SLC46A3: variants seen among roughly 807,000 people sequenced by gnomAD.
The protein encoded by SLC46A3 is solute carrier family 46 member 3.
A neutral mutation model predicts 38.5 loss-of-function variants in SLC46A3; 26 were observed. The observed-to-expected ratio is 0.68, with a 90% CI of 0.49 to 0.94. The LOEUF (loss-of-function observed/expected upper bound fraction) is 0.94, where lower values mean the gene tolerates loss of function less well. SLC46A3 is among the 40% of genes least tolerant of loss of function. The pLI is 0.00. For synonymous variants in SLC46A3, 185 were observed against 192.5 expected, an observed-to-expected ratio of 0.96 and a Z score of 0.32; for missense variants, 510 against 544.3, an observed-to-expected ratio of 0.94 and a Z score of 0.63.
chr13:28,712,491 G>A (rs1278298820), intron 3 of SLC46A3, among the ~76,000 whole-genome samples, 189 bp downstream of exon 3: 1 of 152,036 alleles, frequency 6.6e-6, no homozygotes, highest in African/African-American at 2.4e-5. Flanking sequence ...GTTATTCAGT[G>A]GATTAAATTT....
chr13:28,710,735 T>C, intron 4 of SLC46A3, 25 bp downstream of exon 4: 5 of 1,550,290 alleles, frequency 3.2e-6, no homozygotes, highest in Non-Finnish European at 4.4e-6. Flanking sequence ...GGTAGATTCA[T>C]ATTTCTTAAG....
intron 1 of SLC46A3, 23 bp downstream of exon 1, chr13:28,718,473 A>C (rs1208446041): frequency 6.5e-6 from 1 of 152,906 alleles, no homozygotes; most frequent in African/African-American, 2.4e-5. Context: ...CTCCCAATCG[A>C]AAGGGCCTTA....
Position 28,701,038 on chromosome 13 carries a change from T to C in SLC46A3, c.*459A>G. 2.6e-6 allele frequency: 4 copies of C among 1,513,914 alleles called. No individual in the cohort carries two copies. Among genetic ancestry groups the C allele is most frequent in the Middle Eastern group, 3.5e-4 (2 of 5,704 alleles). The allele number at this position is 1,513,914 out of a possible 1,614,324, so 93.8% of individuals were successfully genotyped here. On this transcript the variant is annotated 3_prime_UTR_variant, in exon 6 of 6. Coordinates refer to ENST00000266943, the MANE Select transcript of SLC46A3 (RefSeq NM_181785.4). ...TCATTATTTTCCTACCAATGAGTGA[T>C]TCATCATAATTTTCATTATGCCTTC...
chr13:28,716,246 T>C (rs1885524836), intron 2 of SLC46A3, among the ~76,000 whole-genome samples: 1 of 152,186 alleles, frequency 6.6e-6, no homozygotes, highest in Non-Finnish European at 1.5e-5. Flanking sequence ...TAAAAAACAC[T>C]GTGTTAGAGG....
chr13:28,704,343 A>G (rs1885116942), intron 4 of SLC46A3: 1 of 446,700 alleles, frequency 2.2e-6, no homozygotes. Context: ...AACTCCAAAT[A>G]GCTGAGTTCC....
chr13:28,718,084 A>G, intron 1 of SLC46A3, 62 bp from the exon 2 acceptor site: 1 of 1,427,526 alleles, frequency 7.0e-7, no homozygotes, highest in Non-Finnish European at 9.5e-7. Context: ...ATATTCAAAG[A>G]TGGGTAAGTT....
rs1593183216 is a variant in SLC46A3 at position 28,701,362 on chromosome 13, T to C, written c.*135A>G. ...TAAAGCCAGGAGCTGTCTCTCTGACTGTTCAGTTTAGAAGAAAAGATAGGT... is the reference window on the plus strand; with the variant it reads ...TAAAGCCAGGAGCTGTCTCTCTGACCGTTCAGTTTAGAAGAAAAGATAGGT... On this transcript the variant is annotated 3_prime_UTR_variant, in exon 6 of 6. Coordinates refer to ENST00000266943, the MANE Select transcript of SLC46A3 (RefSeq NM_181785.4). 7 of 1,451,492 alleles carry C rather than the reference T, an allele frequency of 4.8e-6. No homozygotes were observed. The East Asian group carries it at 1.7e-4, about 36-fold the overall frequency. 89.9% of individuals were successfully genotyped at this position (1,451,492 alleles called of 1,614,324 possible). A position where few individuals can be genotyped will look rare whatever the true frequency, so the allele number is the denominator to read the frequency against.
intron 1 of SLC46A3, 21 bp from the exon 2 acceptor site, chr13:28,718,043 G>A: frequency 1.3e-6 from 2 of 1,570,652 alleles, no homozygotes; most frequent in Non-Finnish European, 1.7e-6. Flanking sequence ...TGAAAACGGA[G>A]AAAGATCATC....
Position 28,718,795 on chromosome 13 carries a change from CCCTCGGCTTCCCCGCGGCCCTGCGGA to C in SLC46A3, c.-350_-325del, listed in dbSNP as rs1203054879. On this transcript the variant is annotated 5_prime_UTR_variant, in exon 1 of 6. It removes the in-frame stop codon of an upstream open reading frame in the 5' UTR. Transcript: ENST00000266943. ...TGACACCTGCAGGGTTCTCCGGCAGCCCTCGGCTTCCCCGCGGCCCTGCGGACCTCGGCCTCAGCGCGGCGCGGCGG... is the reference window on the plus strand; with the variant it reads ...TGACACCTGCAGGGTTCTCCGGCAGCCCTCGGCCTCAGCGCGGCGCGGCGG... The C allele has an allele frequency of 6.6e-6, 1 of 152,428 alleles. No homozygotes were observed. The highest frequency in any genetic ancestry group is 1.5e-5 in the Non-Finnish European group (1 of 68,184). 9.4% of individuals were successfully genotyped at this position (152,428 alleles called of 1,614,324 possible).
chr13:28,712,724 A>T lies in SLC46A3; in HGVS notation c.1016T>A (p.Met339Lys), dbSNP rs758606636. The T allele has an allele frequency of 6.2e-6, 10 of 1,608,688 alleles. No homozygotes were observed. Among genetic ancestry groups the T allele is most frequent in the Non-Finnish European group, 7.6e-6 (9 of 1,178,768 alleles). The part of the protein sequence containing the change: ...FIGIFTTMTG[M>K]AMTAFASTTL... ...TGTACTGGCAAACGCGGTCATAGCC[A>T]TTCCTGTCATCGTGGTAAAAATCCC... Residue 339 changes from methionine (M) to lysine (K), a missense_variant, in exon 3 of 6, where the codon ATG (methionine) becomes AAG (lysine). Physicochemically the swap from Met to Lys is moderately conservative, Grantham distance 95. Coordinates refer to ENST00000266943, the MANE Select transcript of SLC46A3 (RefSeq NM_181785.4).
At chr13:28,706,661 C>T (rs369746791) in intron 4 of SLC46A3, among the ~76,000 whole-genome samples, 4 of 152,284 alleles carry the variant, frequency 2.6e-5, no homozygotes, top group South Asian at 4.1e-4. Context: ...ATCCTCCCAC[C>T]TCGGCCTCCC....
chr13:28,705,515 T>A (rs1379708361), intron 4 of SLC46A3, among the ~76,000 whole-genome samples: 2 of 152,236 alleles, frequency 1.3e-5, no homozygotes, highest in Non-Finnish European at 2.9e-5. Flanking sequence ...CATACGTCTA[T>A]CTCTGCAAAA....
At chr13:28,718,273 T>C (rs1427072997) in intron 1 of SLC46A3, among the ~76,000 whole-genome samples, 1 of 152,206 alleles carries the variant, frequency 6.6e-6, no homozygotes, top group Non-Finnish European at 1.5e-5. Flanking sequence ...CTTTGAGTCT[T>C]TGAAATCATA....
intron 4 of SLC46A3, among the ~76,000 whole-genome samples, chr13:28,706,933 C>T (rs1214710815): frequency 6.6e-6 from 1 of 152,182 alleles, no homozygotes; most frequent in South Asian, 2.1e-4. Flanking sequence ...GAAATAGGAA[C>T]ACTTTTACAC....
chr13:28,709,959 C>T (rs1885296954), intron 4 of SLC46A3, among the ~76,000 whole-genome samples: 1 of 152,090 alleles, frequency 6.6e-6, no homozygotes, highest in Admixed American at 6.5e-5. Flanking sequence ...TATCAGAGGC[C>T]TATATATTAT....
At chr13:28,715,978 CAAA>C (rs10594317) in intron 2 of SLC46A3, among the ~76,000 whole-genome samples, 52 of 128,724 alleles carry the variant, frequency 4.0e-4, no homozygotes, top group Middle Eastern at 4.0e-3. Context: ...CCTGTCTCTA[CAAA>C]AAAAAAAAAA....
At chr13:28,704,274 C>T (rs1669719722) in intron 4 of SLC46A3, 175 bp from the exon 5 acceptor site, 1 of 605,334 alleles carries the variant, frequency 1.7e-6, no homozygotes, top group Non-Finnish European at 2.8e-6. Context: ...GCAGCCCATT[C>T]TGCAGCTGAG....
chr13:28,704,171 G>T, intron 4 of SLC46A3, 72 bp from the exon 5 acceptor site: 1 of 1,354,472 alleles, frequency 7.4e-7, no homozygotes, highest in Non-Finnish European at 1.0e-6. Flanking sequence ...ACAAACTAAT[G>T]GAGACAACTG....
chr13:28,704,118 G>T lies in SLC46A3; in HGVS notation c.1145-19C>A. 6.5e-7 allele frequency: 1 copy of T among 1,543,830 alleles called. No homozygotes were observed. ...AGGGTACCTGTTTGGAGTAGGGATA[G>T]AGAGAGAGGAAAAAAAAAAGGCAGA... On this transcript the variant is annotated intron_variant, in intron 4 of 5. Transcript: ENST00000266943.
Sources: gnomAD v4.1 joint callset for allele counts (sites outside exome capture counted in the v4.1 genomes callset) on GRCh38, gnomAD v4.1.1 for gene constraint, MANE v1.5 for transcripts, NCBI Gene and HGNC (gene_info 2026-07-23, HGNC 2026-07-21) for gene names.